The following CDH19 variants were observed in gnomAD, a reference collection of about 807,000 sequenced individuals.
The protein encoded by CDH19 is cadherin 19.
A neutral mutation model predicts 64.2 loss-of-function variants in CDH19; 67 were observed. That is an observed-to-expected ratio of 1.04 (90% CI 0.86 to 1.28). CDH19 has a LOEUF of 1.28. Among genes scored for constraint, CDH19 ranks in the 50% most tolerant of loss-of-function variants. CDH19 has a pLI of 0.00. For synonymous variants in CDH19, 346 were observed against 319.3 expected, an observed-to-expected ratio of 1.08 and a Z score of -0.89; for missense variants, 1,030 against 929.0, an observed-to-expected ratio of 1.11 and a Z score of -1.41.
At chr18:66,549,508 A>G (rs1473167140) in intron 5 of CDH19, among the ~76,000 whole-genome samples, 1 of 152,154 alleles carries the variant, frequency 6.6e-6, no homozygotes, top group Non-Finnish European at 1.5e-5. Flanking sequence ...ACAGAAGACA[A>G]CATATGTATC....
chr18:66,579,189 A>C (rs538565619), intron 1 of CDH19, among the ~76,000 whole-genome samples: 38 of 152,140 alleles, frequency 2.5e-4, no homozygotes, highest in African/African-American at 8.2e-4. Context: ...AAAACCTAGA[A>C]AAACAAATTA....
intron 2 of CDH19, among the ~76,000 whole-genome samples, chr18:66,570,184 ATAAT>A (rs1417811334): frequency 6.6e-6 from 1 of 151,612 alleles, no homozygotes; most frequent in East Asian, 1.9e-4. Flanking sequence ...ATATGATTTG[ATAAT>A]TTATTTGATA....
intron 10 of CDH19, among the ~76,000 whole-genome samples, chr18:66,510,547 A>T (rs547102587): frequency 2.0e-4 from 29 of 146,210 alleles, no homozygotes; most frequent in Admixed American, 2.8e-4. Flanking sequence ...ATAATAATAA[A>T]AAATAAATAA....
intron 3 of CDH19, among the ~76,000 whole-genome samples, chr18:66,567,053 C>A (rs1349718300): frequency 6.6e-6 from 1 of 151,934 alleles, no homozygotes; most frequent in Non-Finnish European, 1.5e-5. Context: ...AATCATCATA[C>A]CTCACCCATA....
chr18:66,554,634 C>T, intron 3 of CDH19, 110 bp from the exon 4 acceptor site: 3 of 727,206 alleles, frequency 4.1e-6, no homozygotes, highest in Non-Finnish European at 6.4e-6. Flanking sequence ...AAAATGAAAG[C>T]TCAATTCACC....
intron 1 of CDH19, among the ~76,000 whole-genome samples, chr18:66,590,142 ATAAT>A (rs1175877324): frequency 3.3e-5 from 5 of 151,924 alleles, no homozygotes; most frequent in African/African-American, 1.2e-4. Context: ...GACAAAACAG[ATAAT>A]CCCACTCCAC....
At chr18:66,588,974 GA>G (rs915692323) in intron 1 of CDH19, among the ~76,000 whole-genome samples, 6 of 151,200 alleles carry the variant, frequency 4.0e-5, no homozygotes, top group Admixed American at 2.6e-4. Flanking sequence ...AACAACACAA[GA>G]AAAAATTTAA....
intron 9 of CDH19, among the ~76,000 whole-genome samples, chr18:66,522,519 G>C (rs1324613421): frequency 1.3e-5 from 2 of 152,088 alleles, no homozygotes; most frequent in African/African-American, 4.8e-5. Flanking sequence ...CAAAGTGTTG[G>C]GATAACAGGT....
rs538678526 is a variant in CDH19 at position 66,577,718 on chromosome 18, C to T, written c.-112-5402G>A. On this transcript the variant is annotated intron_variant, in intron 1 of 11. Coordinates refer to ENST00000262150, the MANE Select transcript of CDH19 (RefSeq NM_021153.4). The stretch of plus-strand genomic sequence containing the variant: ...GATCCCATTGCTACTGTAAAGAATT[C>T]CCACAACTCAGTGTCTTAAAATGAT... 2.0e-5 allele frequency among the ~76,000 whole-genome samples: 3 copies of T among 151,972 alleles called. No individual in the cohort carries two copies. In the South Asian group the frequency reaches 6.2e-4, roughly 32 times the overall value.
chr18:66,558,722 TAA>T (rs1987611047), intron 3 of CDH19, among the ~76,000 whole-genome samples: 1 of 152,084 alleles, frequency 6.6e-6, no homozygotes, highest in Non-Finnish European at 1.5e-5. Context: ...ATGAAACCAA[TAA>T]AGTGTCTTTC....
intron 11 of CDH19, among the ~76,000 whole-genome samples, chr18:66,508,713 T>C (rs1310652642): frequency 6.6e-6 from 1 of 150,514 alleles, no homozygotes; most frequent in South Asian, 2.1e-4. Context: ...TACTGTTACA[T>C]TGTATATGTG....
intron 1 of CDH19, among the ~76,000 whole-genome samples, chr18:66,585,404 C>T (rs1459671645): frequency 1.3e-5 from 2 of 151,970 alleles, no homozygotes; most frequent in Non-Finnish European, 2.9e-5. Context: ...GCAAGGATGG[C>T]TGAATAACTA....
Position 66,504,972 on chromosome 18 carries a change from G to T in CDH19, c.2159C>A (p.Thr720Asn). ...PCAPPFDSLQ[T>N]YAFEGTGSLA... Reference sequence around the variant, plus strand: ...TGACCCTGTTCCCTCAAAAGCGTAGGTCTGGAGGGAATCAAAAGGAGGGGC... The same window carrying T: ...TGACCCTGTTCCCTCAAAAGCGTAGTTCTGGAGGGAATCAAAAGGAGGGGC... The change falls in exon 12 of 12, where the codon ACC (threonine) becomes AAC (asparagine). Residue 720 changes from threonine (T) to asparagine (N), a missense_variant. Physicochemically the swap from Thr to Asn is moderately conservative, Grantham distance 65. Coordinates refer to ENST00000262150, the MANE Select transcript of CDH19 (RefSeq NM_021153.4). 6.2e-7 allele frequency: 1 copy of T among 1,613,482 alleles called. No homozygotes were observed. The highest frequency in any genetic ancestry group is 8.5e-7 in the Non-Finnish European group (1 of 1,179,696).
At chr18:66,583,927 T>G (rs1988497963) in intron 1 of CDH19, among the ~76,000 whole-genome samples, 1 of 152,008 alleles carries the variant, frequency 6.6e-6, no homozygotes, top group African/African-American at 2.4e-5. Flanking sequence ...AATACCATTC[T>G]GGGCATAGCA....
chr18:66,591,745 C>A (rs576084597), intron 1 of CDH19, among the ~76,000 whole-genome samples: 2 of 151,780 alleles, frequency 1.3e-5, no homozygotes, highest in African/African-American at 4.8e-5. Flanking sequence ...ATGGAAAAAA[C>A]ATTCCTGAAA....
chr18:66,501,255 A>G lies in CDH19; in HGVS notation c.*3557T>C, dbSNP rs554845508. ...AGAAACATTTTTTATACGATGATAAATGAACAAGACTGACAATTTCTTGCC... is the reference window on the plus strand; with the variant it reads ...AGAAACATTTTTTATACGATGATAAGTGAACAAGACTGACAATTTCTTGCC... On this transcript the variant is annotated 3_prime_UTR_variant, in exon 12 of 12. Coordinates refer to ENST00000262150, the MANE Select transcript of CDH19 (RefSeq NM_021153.4). The G allele has an allele frequency of 3.3e-5, 5 of 152,252 alleles. No individual in the cohort carries two copies. The highest frequency in any genetic ancestry group is 3.3e-4 in the Admixed American group (5 of 15,270). 9.4% of individuals were successfully genotyped at this position (152,252 alleles called of 1,614,324 possible). A position where few individuals can be genotyped will look rare whatever the true frequency, so the allele number is the denominator to read the frequency against.
chr18:66,525,295 C>A (rs569362696), intron 9 of CDH19, among the ~76,000 whole-genome samples: 1 of 152,002 alleles, frequency 6.6e-6, no homozygotes, highest in East Asian at 1.9e-4. Context: ...AAAATAATTA[C>A]GGTTCATATG....
intron 11 of CDH19, among the ~76,000 whole-genome samples, chr18:66,508,409 T>TC (rs1209951776): frequency 6.6e-6 from 1 of 151,702 alleles, no homozygotes; most frequent in Admixed American, 6.6e-5. Flanking sequence ...GTTTTTTTTT[T>TC]TAAATGCACC....
intron 7 of CDH19, among the ~76,000 whole-genome samples, chr18:66,538,662 G>C (rs893022542): frequency 1.1e-4 from 17 of 152,108 alleles, no homozygotes; most frequent in Admixed American, 7.9e-4. Context: ...CCACAAACTG[G>C]GTGGCTGAAA....
Sources: gnomAD v4.1 joint callset for allele counts (sites outside exome capture counted in the v4.1 genomes callset) on GRCh38, gnomAD v4.1.1 for gene constraint, MANE v1.5 for transcripts, NCBI Gene and HGNC (gene_info 2026-07-23, HGNC 2026-07-21) for gene names.